Variants in C5 observed in about 807,000 individuals in gnomAD.
C5 encodes the protein complement C5, also known as C3 and PZP-like alpha-2-macroglobulin domain-containing protein 4.
Under a neutral mutation model 218.8 loss-of-function variants are expected in C5, and 140 were observed. The ratio of observed to expected loss-of-function variants is 0.64; its 90% CI spans 0.56 to 0.74. C5 has a LOEUF of 0.74. Among genes scored for constraint, C5 ranks in the 30% least tolerant of loss-of-function variants. The pLI, the probability that C5 is intolerant of heterozygous loss-of-function variation, is 0.00. For missense variants in C5, 1,700 were observed against 1,969.6 expected (o/e 0.86, Z 2.59); for synonymous variants, 614 against 682.3 (o/e 0.90, Z 1.56).
intron 16 of C5, 53 bp from the exon 17 acceptor site, chr9:121,014,123 A>C: frequency 3.5e-5 from 52 of 1,478,000 alleles, no homozygotes; most frequent in Non-Finnish European, 4.5e-5. Context: ...ATAACATCTC[A>C]GGCTTAGAAG....
chr9:120,992,429 C>T (rs1399197481), intron 22 of C5, among the ~76,000 whole-genome samples: 9 of 152,176 alleles, frequency 5.9e-5, no homozygotes, highest in Non-Finnish European at 4.4e-5. Context: ...ATGGAGATAA[C>T]AACATTTTCC....
chr9:120,998,479 C>T (rs1463484722), intron 20 of C5, among the ~76,000 whole-genome samples: 2 of 152,192 alleles, frequency 1.3e-5, no homozygotes, highest in Admixed American at 6.5e-5. Flanking sequence ...TCTTTTAGCT[C>T]AGCCTCTGGT....
At chr9:120,990,505 T>A (rs1211485900) in intron 23 of C5, among the ~76,000 whole-genome samples, 3 of 152,170 alleles carry the variant, frequency 2.0e-5, no homozygotes, top group African/African-American at 7.2e-5. Flanking sequence ...GAGAGGTGAT[T>A]AGGTTATGAT....
chr9:121,066,114 AC>A, the C5 span, among the ~76,000 whole-genome samples: 2 of 152,028 alleles, frequency 1.3e-5, no homozygotes, highest in Non-Finnish European at 2.9e-5. Flanking sequence ...GGAGTTCAAG[AC>A]CAGCCTGGCC....
In C5 at chr9:121,017,693, A is replaced by T. The variant is rs371730753; in HGVS notation, c.1666T>A (p.Ser556Thr). Reference sequence around the variant, plus strand: ...TCAATATTTAACCAGACTGAATCAGACACTAATTCTGCTGTCTGTTCTCCT... The same window carrying T: ...TCAATATTTAACCAGACTGAATCAGTCACTAATTCTGCTGTCTGTTCTCCT... ...VTGEQTAELV[S>T]DSVWLNIEEK... Residue 556 changes from serine to threonine, a missense_variant, in exon 13 of 41, where the codon TCT becomes ACT. By Grantham distance (58) the Ser-to-Thr change is moderately conservative. Transcript: ENST00000223642. The T allele has an allele frequency of 6.2e-7, 1 of 1,613,694 alleles. No homozygotes were observed. Among genetic ancestry groups the T allele is most frequent in the African/African-American group, 1.3e-5 (1 of 74,920 alleles).
In C5 at chr9:120,993,416, TAG is replaced by T. The variant is rs1449761343; in HGVS notation, c.2852-2138_2852-2137del. On this transcript the variant is annotated intron_variant, in intron 22 of 40. Transcript: ENST00000223642. The stretch of plus-strand genomic sequence containing the variant: ...AATGAATTAAGTATACCTATAACAA[TAG>T]AGTTATATATATATATATTTTTGAG... Among the ~76,000 whole-genome samples the T allele has an allele frequency of 2.3e-5, 3 of 131,264 alleles. No individual in the cohort carries two copies. The South Asian group carries it at 9.8e-4, about 43-fold the overall frequency. The allele number at this position is 131,264 out of a possible 152,430, so 86.1% of individuals were successfully genotyped here.
chr9:120,963,004 A>G (rs754827684), intron 34 of C5, 37 bp from the exon 35 acceptor site: 3 of 1,523,352 alleles, frequency 2.0e-6, no homozygotes, highest in South Asian at 1.1e-5. Context: ...ATTTCATTTC[A>G]TTATCTTTTT....
At chr9:121,012,227 G>A (rs529062342) in intron 17 of C5, among the ~76,000 whole-genome samples, 5 of 150,990 alleles carry the variant, frequency 3.3e-5, no homozygotes, top group South Asian at 2.1e-4. Flanking sequence ...CGTGTACCCC[G>A]TAAATACTAT....
At chr9:121,068,001 T>C in the C5 span, among the ~76,000 whole-genome samples, 1 of 152,178 alleles carries the variant, frequency 6.6e-6, no homozygotes, top group Non-Finnish European at 1.5e-5. Flanking sequence ...ATAAAGGCTA[T>C]TTATGAGAAG....
rs759703126 is a variant in C5, at chr9:121,020,011, G to A, written c.1471C>T (p.Pro491Ser). The A allele has an allele frequency of 2.1e-5, 34 of 1,609,972 alleles. No individual in the cohort carries two copies. Among genetic ancestry groups the A allele is most frequent in the African/African-American group, 4.0e-5 (3 of 74,702 alleles). Reference sequence around the variant, plus strand: ...TAGTGAGTTATTTTGTCAATATATGGGCTTTTGGGGGTAACAATAATATTC... The same window carrying A: ...TAGTGAGTTATTTTGTCAATATATGAGCTTTTGGGGGTAACAATAATATTC... ...HLNIIVTPKS[P>S]YIDKITHYNY... Residue 491 changes from proline to serine, a missense_variant, in exon 12 of 41, where the codon CCA becomes TCA. Coordinates refer to ENST00000223642, the MANE Select transcript of C5 (RefSeq NM_001735.3).
At chr9:120,973,973 CA>C (rs11450724) in intron 30 of C5, among the ~76,000 whole-genome samples, 2,378 of 143,414 alleles carry the variant, frequency 0.017, 39 homozygotes, top group Non-Finnish European at 0.027. Flanking sequence ...AACTCCATCT[CA>C]AAAAAAAAAA....
chr9:120,968,981 T>C (rs2046889606), intron 33 of C5, 80 bp downstream of exon 33: 5 of 1,227,978 alleles, frequency 4.1e-6, no homozygotes, highest in Non-Finnish European at 4.8e-6. Flanking sequence ...ATACCAAAAT[T>C]TGAAAATATG....
chr9:120,962,174 C>T (rs2131668731), intron 36 of C5, among the ~76,000 whole-genome samples: 1 of 152,120 alleles, frequency 6.6e-6, no homozygotes, highest in South Asian at 2.1e-4. Context: ...CATTCTATAC[C>T]CGACGCTGCG....
chr9:121,002,327 T>C (rs1483668766), intron 20 of C5, among the ~76,000 whole-genome samples: 14 of 113,396 alleles, frequency 1.2e-4, no homozygotes, highest in African/African-American at 5.1e-4. Flanking sequence ...TATATATATA[T>C]ATATATATAT....
At chr9:121,073,784 G>T in the C5 span, among the ~76,000 whole-genome samples, 1 of 152,052 alleles carries the variant, frequency 6.6e-6, no homozygotes, top group Non-Finnish European at 1.5e-5. Flanking sequence ...AAAGTGCTGG[G>T]ATTACAGGCA....
chr9:120,987,649 A>AC (rs1299043983), intron 25 of C5, among the ~76,000 whole-genome samples: 3 of 148,832 alleles, frequency 2.0e-5, no homozygotes, highest in Non-Finnish European at 4.5e-5. Flanking sequence ...AAAAAAAAAA[A>AC]AGAAAAAAGA....
chr9:121,035,174 G>A (rs910888154), intron 4 of C5, among the ~76,000 whole-genome samples: 5 of 152,016 alleles, frequency 3.3e-5, no homozygotes, highest in Non-Finnish European at 7.4e-5. Context: ...AAGATGAAGT[G>A]TAACAACACG....
chr9:120,980,106 A>G lies in C5; in HGVS notation c.3635T>C (p.Leu1212Ser). ...ACCTTTAACCAAAGCTTCTCTCTTC[A>G]AAGCTGAAACAATTGAACGAAACTG... ...HPQFRSIVSA[L>S]KREALVKGNP... Residue 1212 changes from leucine (L) to serine (S), a missense_variant, in exon 28 of 41, where the codon TTG becomes TCG. By Grantham distance (145) the Leu-to-Ser change is moderately radical (BLOSUM62 -2). Transcript: ENST00000223642. The G allele has an allele frequency of 1.9e-6, 3 of 1,614,180 alleles. No individual in the cohort carries two copies. The highest frequency in any genetic ancestry group is 2.5e-6 in the Non-Finnish European group (3 of 1,180,032).
At position 121,023,990 on chromosome 9, in the gene C5, C is replaced by T. The variant is rs115423167; in HGVS notation, c.1001-471G>A. 1.6e-3 allele frequency among the ~76,000 whole-genome samples: 237 copies of T among 150,912 alleles called. 1 individual carries two copies. Among genetic ancestry groups the T allele is most frequent in the African/African-American group, 5.8e-3 (236 of 41,038 alleles). On this transcript the variant is annotated intron_variant, in intron 9 of 40. Transcript: ENST00000223642. Reference sequence around the variant, plus strand: ...AAAAGGGAGCTTGATATAGAAAGAACCCTGAAAGGGAGTTCGAGACCAGCC... The same window carrying T: ...AAAAGGGAGCTTGATATAGAAAGAATCCTGAAAGGGAGTTCGAGACCAGCC...
Sources: allele counts gnomAD v4.1 joint callset (sites outside exome capture counted in the v4.1 genomes callset), GRCh38; gene constraint gnomAD v4.1.1; transcripts MANE v1.5; gene names NCBI Gene and HGNC (gene_info 2026-07-23, HGNC 2026-07-21).